Variants in TNRC6B observed in about 807,000 individuals in gnomAD.
TNRC6B encodes trinucleotide repeat-containing gene 6B protein.
Under a neutral mutation model 203.6 loss-of-function variants are expected in TNRC6B, and 52 were observed. The observed-to-expected ratio is 0.26, with a 90% CI of 0.20 to 0.32. The LOEUF is 0.32. TNRC6B is among the 10% of genes least tolerant of loss of function. The pLI is 1.00. For synonymous variants in TNRC6B, 838 were observed against 845.7 expected (o/e 0.99, Z 0.16); for missense variants, 1,923 against 2,286.2 (o/e 0.84, Z 3.24).
At chr22:40,309,942 C>A (rs1296931249) in intron 16 of TNRC6B, among the ~76,000 whole-genome samples, 1 of 152,010 alleles carries the variant, frequency 6.6e-6, no homozygotes, top group Admixed American at 6.6e-5. Context: ...TAATTTTATC[C>A]CTTCACAAGC....
chr22:40,208,718 T>C lies in TNRC6B; in HGVS notation c.5+30578T>C, dbSNP rs946853319. 2.0e-5 allele frequency among the ~76,000 whole-genome samples: 3 copies of C among 152,220 alleles called. No individual in the cohort carries two copies. The East Asian group carries it at 5.8e-4, about 29-fold the overall frequency. ...GGGTATATAAAAGTTATTTTGTATG[T>C]ATTAAATATGTAATAAAAATTTTTC... is the stretch of plus-strand genomic sequence containing the variant. On this transcript the variant is annotated intron_variant, in intron 1 of 22. Transcript: ENST00000454349.
upstream of TNRC6B, among the ~76,000 whole-genome samples, chr22:40,173,794 T>TATATATATATA (rs201025367): frequency 4.8e-4 from 15 of 31,410 alleles, no homozygotes; most frequent in South Asian, 4.2e-3. Context: ...TATATATATA[T>TATATATATATA]TTTTTTTTTT....
chr22:40,076,079 A>G (rs578212972), intron 1 of TNRC6B, among the ~76,000 whole-genome samples: 3 of 152,238 alleles, frequency 2.0e-5, no homozygotes, highest in South Asian at 4.1e-4. Context: ...TCCCATCCGT[A>G]TTATTTTATT....
At chr22:40,267,332 AAACT>A (rs2070495776) in intron 5 of TNRC6B, among the ~76,000 whole-genome samples, 1 of 152,218 alleles carries the variant, frequency 6.6e-6, no homozygotes, top group Non-Finnish European at 1.5e-5. Context: ...CTTGCCAAAC[AAACT>A]ATGTTCTAGA....
intron 1 of TNRC6B, among the ~76,000 whole-genome samples, chr22:40,097,574 T>C (rs1223291577): frequency 6.6e-6 from 1 of 151,978 alleles, no homozygotes; most frequent in East Asian, 1.9e-4. Context: ...GTGCTGAATT[T>C]ACAGGTGTGA....
At chr22:40,253,711 T>C (rs1319284891) in intron 3 of TNRC6B, 1 of 456,252 alleles carries the variant, frequency 2.2e-6, no homozygotes, top group Non-Finnish European at 4.4e-6. Context: ...CTGGGGTATG[T>C]TAAGACTGTA....
At chr22:40,254,626 G>A (rs2070241481) in intron 3 of TNRC6B, among the ~76,000 whole-genome samples, 1 of 152,206 alleles carries the variant, frequency 6.6e-6, no homozygotes, top group South Asian at 2.1e-4. Flanking sequence ...GGTGGCTCAC[G>A]CCTGTAATGC....
Position 40,266,575 on chromosome 22 carries a change from C to T in TNRC6B, c.2345C>T (p.Thr782Ile). 1 of 1,613,406 alleles carries T rather than the reference C, an allele frequency of 6.2e-7. No homozygotes were observed. The highest frequency in any genetic ancestry group is 8.5e-7 in the Non-Finnish European group (1 of 1,179,594). Residue 782 changes from threonine (T) to isoleucine (I), a missense_variant, in exon 5 of 23, where the codon ACT (threonine) becomes ATT (isoleucine). This residue lies in a region of TNRC6B where 599 missense variants were observed against 656.5 expected (regional missense o/e 0.91). Transcript: ENST00000454349. ...WGEGGQNEIG[T>I]WGNGGNASLA... Reference sequence around the variant, plus strand: ...GAAGGAGGGCAGAATGAAATCGGGACTTGGGGTAATGGTGGCAATGCAAGC... The same window carrying T: ...GAAGGAGGGCAGAATGAAATCGGGATTTGGGGTAATGGTGGCAATGCAAGC...
At chr22:40,131,769 A>T (rs1274299880) in intron 3 of TNRC6B, among the ~76,000 whole-genome samples, 1 of 152,202 alleles carries the variant, frequency 6.6e-6, no homozygotes, top group Non-Finnish European at 1.5e-5. Context: ...ATTTTGTATG[A>T]CCTAACAAAT....
intron 3 of TNRC6B, among the ~76,000 whole-genome samples, chr22:40,256,327 C>T (rs1032745499): frequency 6.6e-6 from 1 of 152,096 alleles, no homozygotes; most frequent in African/African-American, 2.4e-5. Context: ...GGTGCAGACC[C>T]TATTGTCACA....
At chr22:40,107,386 G>T (rs1424775965) in intron 1 of TNRC6B, among the ~76,000 whole-genome samples, 1 of 152,102 alleles carries the variant, frequency 6.6e-6, no homozygotes, top group Non-Finnish European at 1.5e-5. Flanking sequence ...CAGCAGAATG[G>T]TTGGTCTTCA....
At chr22:40,102,544 A>G (rs1485540750) in intron 1 of TNRC6B, among the ~76,000 whole-genome samples, 1 of 152,234 alleles carries the variant, frequency 6.6e-6, no homozygotes, top group Non-Finnish European at 1.5e-5. Flanking sequence ...TAGTTATAAA[A>G]GAGTGCCGGG....
chr22:40,072,876 A>AG (rs1474965197), intron 1 of TNRC6B, among the ~76,000 whole-genome samples: 11 of 151,284 alleles, frequency 7.3e-5, no homozygotes, highest in Admixed American at 7.2e-4. Flanking sequence ...AAAAAAAAAA[A>AG]AAAAAAAAAA....
chr22:40,093,926 T>C (rs2068167886), intron 1 of TNRC6B, among the ~76,000 whole-genome samples: 1 of 151,078 alleles, frequency 6.6e-6, no homozygotes, highest in Admixed American at 6.6e-5. Context: ...AATAATCTAT[T>C]GTATATTTCA....
intron 1 of TNRC6B, among the ~76,000 whole-genome samples, chr22:40,191,997 TG>T (rs1442107701): frequency 6.6e-6 from 1 of 152,166 alleles, no homozygotes; most frequent in Non-Finnish European, 1.5e-5. Flanking sequence ...GTGATCCACC[TG>T]CCTTACAGAC....
chr22:40,277,661 A>T (rs1326950791), intron 8 of TNRC6B, among the ~76,000 whole-genome samples: 4 of 152,178 alleles, frequency 2.6e-5, no homozygotes, highest in Admixed American at 6.5e-5. Context: ...TCACGAGAAG[A>T]AGTTGTCATT....
chr22:40,138,449 A>G (rs1303559383), intron 3 of TNRC6B, among the ~76,000 whole-genome samples: 1 of 152,140 alleles, frequency 6.6e-6, no homozygotes, highest in Non-Finnish European at 1.5e-5. Flanking sequence ...TATTTTTAGT[A>G]GAGACGGGGT....
intron 3 of TNRC6B, among the ~76,000 whole-genome samples, chr22:40,136,341 A>G (rs1421218679): frequency 1.3e-5 from 2 of 148,218 alleles, no homozygotes; most frequent in African/African-American, 5.0e-5. Flanking sequence ...GTCTGTGATC[A>G]TATTCTCTGT....
chr22:40,102,646 A>G (rs1471901705), intron 1 of TNRC6B, among the ~76,000 whole-genome samples: 2 of 152,204 alleles, frequency 1.3e-5, no homozygotes, highest in African/African-American at 4.8e-5. Flanking sequence ...CAATTAAAAC[A>G]TAGTAAATTG....
Sources: gnomAD v4.1 joint callset for allele counts (sites outside exome capture counted in the v4.1 genomes callset) on GRCh38, gnomAD v4.1.1 for gene constraint, gnomAD v4.1.1 regional missense constraint, MANE v1.5 for transcripts, NCBI Gene and HGNC (gene_info 2026-07-23, HGNC 2026-07-21) for gene names.